SH3GL1: variants seen among roughly 807,000 people sequenced by gnomAD.
SH3GL1 encodes the protein endophilin-A2.
In SH3GL1, 21 loss-of-function variants were observed where a neutral mutation model predicts 48.8. That is an observed-to-expected ratio of 0.43 (90% CI 0.30 to 0.62). The LOEUF (loss-of-function observed/expected upper bound fraction) is 0.62, where lower values mean the gene tolerates loss of function less well. Ranked by LOEUF, SH3GL1 falls within the 20% of genes least tolerant of loss-of-function variation. The probability of loss-of-function intolerance (pLI) is 0.11; values close to 1 mark genes in which losing one functional copy is unlikely to be tolerated. For missense variants in SH3GL1, 454 were observed against 503.0 expected, an observed-to-expected ratio of 0.90 and a Z score of 0.93; for synonymous variants, 282 against 217.5, an observed-to-expected ratio of 1.30 and a Z score of -2.61.
chr19:4,398,451 C>T (rs1465909667), intron 1 of SH3GL1, among the ~76,000 whole-genome samples: 2 of 151,506 alleles, frequency 1.3e-5, no homozygotes, highest in Non-Finnish European at 2.9e-5. Flanking sequence ...GGTGCAATCT[C>T]GGCTCACTGC....
chr19:4,361,678 C>G lies in SH3GL1; in HGVS notation c.1029G>C (p.Trp343Cys). The G allele has an allele frequency of 6.2e-7, 1 of 1,613,064 alleles. No homozygotes were observed. Among genetic ancestry groups the G allele is most frequent in the Non-Finnish European group, 8.5e-7 (1 of 1,179,842 alleles). The stretch of plus-strand genomic sequence containing the variant: ...ACTGGCCGTCCAGCATGCCCTCGTA[C>G]CAGTTCTCATCGATCTGGTTGGTCA... ...ITLTNQIDEN[W>C]YEGMLDGQSG... Residue 343 changes from tryptophan to cysteine, a missense_variant, in exon 10 of 10, where the codon TGG (tryptophan) becomes TGC (cysteine). Physicochemically the swap from Trp to Cys is radical, Grantham distance 215 (BLOSUM62 -2). Transcript: ENST00000269886.
At chr19:4,377,077 CA>C (rs1458357274) in intron 1 of SH3GL1, among the ~76,000 whole-genome samples, 1 of 152,230 alleles carries the variant, frequency 6.6e-6, no homozygotes, top group Non-Finnish European at 1.5e-5. Context: ...GGCCCATTCC[CA>C]GCCTGGAGCT....
intron 1 of SH3GL1, among the ~76,000 whole-genome samples, chr19:4,394,202 C>G (rs925201374): frequency 7.3e-5 from 11 of 150,806 alleles, no homozygotes; most frequent in African/African-American, 2.2e-4. Flanking sequence ...CAATCTCACA[C>G]AGCCCGGCCA....
intron 1 of SH3GL1, among the ~76,000 whole-genome samples, chr19:4,384,677 G>A (rs243404): frequency 0.27 from 41,116 of 152,078 alleles, 6,413 homozygotes; most frequent in East Asian, 0.59. Context: ...GAAACTTGGA[G>A]ACTCTAAATG....
intron 1 of SH3GL1, among the ~76,000 whole-genome samples, chr19:4,383,968 G>A (rs771132530): frequency 6.6e-6 from 1 of 152,172 alleles, no homozygotes; most frequent in Non-Finnish European, 1.5e-5. Flanking sequence ...TTGCTGCTCT[G>A]CACTTGTCTG....
At chr19:4,385,997 C>T (rs548670514) in intron 1 of SH3GL1, among the ~76,000 whole-genome samples, 11 of 152,180 alleles carry the variant, frequency 7.2e-5, no homozygotes, top group Non-Finnish European at 1.0e-4. Context: ...AAAATAATAG[C>T]AGGGATTCTC....
chr19:4,374,740 C>G (rs1972972022), intron 1 of SH3GL1, among the ~76,000 whole-genome samples: 1 of 152,208 alleles, frequency 6.6e-6, no homozygotes, highest in Non-Finnish European at 1.5e-5. Context: ...TCTGGCCTGG[C>G]CCCTGGGCCC....
In SH3GL1 at chr19:4,400,124, T is replaced by G. The variant is rs908696702; in HGVS notation, c.45+200A>C. Among the ~76,000 whole-genome samples the G allele has an allele frequency of 7.2e-5, 11 of 152,092 alleles. No individual in the cohort carries two copies. Among genetic ancestry groups the G allele is most frequent in the African/African-American group, 2.7e-4 (11 of 41,430 alleles). On this transcript the variant is annotated intron_variant, in intron 1 of 9. Coordinates refer to ENST00000269886, the MANE Select transcript of SH3GL1 (RefSeq NM_003025.4). This position sits in a 1 kb window ranked among gnomAD's most constrained non-coding sequence, Gnocchi z 4.1. ...CTCCTCCCAGGGGCTCTGTCCCCGC[T>G]TCTGGAGCCCGCATGGCGGGCAGGG...
At chr19:4,374,669 A>G (rs1212860244) in intron 1 of SH3GL1, among the ~76,000 whole-genome samples, 1 of 152,168 alleles carries the variant, frequency 6.6e-6, no homozygotes, top group Non-Finnish European at 1.5e-5. Context: ...TCTGGTCCGC[A>G]TGCTGCCCTT....
chr19:4,383,218 ATTT>A (rs34797481), intron 1 of SH3GL1, among the ~76,000 whole-genome samples: 1 of 138,546 alleles, frequency 7.2e-6, no homozygotes, highest in Non-Finnish European at 1.6e-5. Context: ...ACGCCTGGAC[ATTT>A]TTTTTTTTTT....
At chr19:4,396,394 C>T (rs924524674) in intron 1 of SH3GL1, among the ~76,000 whole-genome samples, 1 of 152,090 alleles carries the variant, frequency 6.6e-6, no homozygotes, top group Non-Finnish European at 1.5e-5. Context: ...AGAGAAGCTC[C>T]GTCTCAAAAA....
intron 7 of SH3GL1, 151 bp downstream of exon 7, chr19:4,363,219 G>A (rs562967949): frequency 8.2e-5 from 54 of 660,918 alleles, no homozygotes; most frequent in East Asian, 5.5e-4. Flanking sequence ...CTGACCTCGC[G>A]GCCCCCCAGG....
chr19:4,383,621 T>C (rs1029674753), intron 1 of SH3GL1, among the ~76,000 whole-genome samples: 2 of 152,202 alleles, frequency 1.3e-5, no homozygotes, highest in Non-Finnish European at 2.9e-5. Flanking sequence ...CTGAGAGAAC[T>C]GCTCTCACAC....
chr19:4,381,731 T>C (rs1973136708), intron 1 of SH3GL1, among the ~76,000 whole-genome samples: 1 of 132,022 alleles, frequency 7.6e-6, no homozygotes, highest in African/African-American at 2.8e-5. Flanking sequence ...TCTCGCTCTG[T>C]TGCCTAGCTG....
intron 1 of SH3GL1, among the ~76,000 whole-genome samples, chr19:4,372,846 C>T (rs752861908): frequency 5.3e-5 from 8 of 152,226 alleles, no homozygotes; most frequent in Non-Finnish European, 7.3e-5. Context: ...ATGTGTCTGT[C>T]TGTCCTTCCT....
rs1972570742 is a variant in SH3GL1, at chr19:4,360,399, T to C, written c.*1201A>G. Reference sequence around the variant, plus strand: ...GAAAGAGACATTTAATACTTCTGTTTACAAAATTCAGGCGTACATTTCAGT... The same window carrying C: ...GAAAGAGACATTTAATACTTCTGTTCACAAAATTCAGGCGTACATTTCAGT... On this transcript the variant is annotated 3_prime_UTR_variant, in exon 10 of 10. Coordinates refer to ENST00000269886, the MANE Select transcript of SH3GL1 (RefSeq NM_003025.4). The C allele has an allele frequency of 4.0e-6, 1 of 248,578 alleles. No individual in the cohort carries two copies. Among genetic ancestry groups the C allele is most frequent in the African/African-American group, 2.2e-5 (1 of 45,578 alleles). 15.4% of individuals were successfully genotyped at this position (248,578 alleles called of 1,614,324 possible).
chr19:4,399,565 T>C (rs2144936730), intron 1 of SH3GL1, among the ~76,000 whole-genome samples: 1 of 152,266 alleles, frequency 6.6e-6, no homozygotes, highest in African/African-American at 2.4e-5. Context: ...GGGGTGCTCC[T>C]GGCCCGGAGT....
At chr19:4,369,288 T>C (rs1380789501) in intron 1 of SH3GL1, among the ~76,000 whole-genome samples, 1 of 152,202 alleles carries the variant, frequency 6.6e-6, no homozygotes, top group African/African-American at 2.4e-5. Flanking sequence ...CTTCTTTTGA[T>C]TGTGGCGAGA....
intron 1 of SH3GL1, among the ~76,000 whole-genome samples, chr19:4,392,785 T>C (rs1021155419): frequency 6.6e-6 from 1 of 151,574 alleles, no homozygotes; most frequent in African/African-American, 2.4e-5. Context: ...CTACTAAAAA[T>C]ACAAAAATTA....
Sources: allele counts gnomAD v4.1 joint callset (sites outside exome capture counted in the v4.1 genomes callset), GRCh38; gene constraint gnomAD v4.1.1; non-coding constraint Gnocchi (gnomAD v3.1); transcripts MANE v1.5; gene names NCBI Gene and HGNC (gene_info 2026-07-23, HGNC 2026-07-21).